MAL: variants seen among roughly 807,000 people sequenced by gnomAD.
MAL encodes the protein myelin and lymphocyte protein.
A neutral mutation model predicts 16.7 loss-of-function variants in MAL; 5 were observed. The ratio of observed to expected loss-of-function variants is 0.30; its 90% CI spans 0.16 to 0.63. The LOEUF (loss-of-function observed/expected upper bound fraction) is 0.63. Among genes scored for constraint, MAL ranks in the 30% least tolerant of loss-of-function variants. The pLI, the probability that MAL is intolerant of heterozygous loss-of-function variation, is 0.82. For synonymous variants in MAL, 96 were observed against 85.5 expected, an observed-to-expected ratio of 1.12 and a Z score of -0.67; for missense variants, 202 against 195.8, an observed-to-expected ratio of 1.03 and a Z score of -0.19.
intron 1 of MAL, among the ~76,000 whole-genome samples, chr2:95,038,659 T>C (rs866135501): frequency 3.6e-5 from 2 of 55,474 alleles, no homozygotes; most frequent in African/African-American, 1.4e-4. Context: ...TGAGTGACTG[T>C]GTGACTGAGT....
chr2:95,042,052 C>T (rs1430446255), intron 1 of MAL, among the ~76,000 whole-genome samples: 2 of 152,170 alleles, frequency 1.3e-5, no homozygotes, highest in South Asian at 2.1e-4. Context: ...GAGGCTGCAT[C>T]TCAGAGTTCA....
At chr2:95,042,867 C>T (rs1299432042) in intron 1 of MAL, among the ~76,000 whole-genome samples, 1 of 152,204 alleles carries the variant, frequency 6.6e-6, no homozygotes, top group Non-Finnish European at 1.5e-5. Flanking sequence ...TTGCTCTGTG[C>T]CCAGGAGTGC....
At chr2:95,038,668 G>A (rs1269267438) in intron 1 of MAL, among the ~76,000 whole-genome samples, 80 of 151,584 alleles carry the variant, frequency 5.3e-4, no homozygotes, top group Non-Finnish European at 7.5e-4. Context: ...GTGTGACTGA[G>A]TGAGTGACTG....
intron 1 of MAL, among the ~76,000 whole-genome samples, chr2:95,032,187 C>A (rs937679918): frequency 6.6e-6 from 1 of 152,250 alleles, no homozygotes; most frequent in Non-Finnish European, 1.5e-5. Context: ...ACACTCAGGT[C>A]GGCCAGGGAC....
intron 3 of MAL, chr2:95,051,747 C>T (rs1317353649): frequency 6.6e-6 from 1 of 152,134 alleles, no homozygotes; most frequent in African/African-American, 2.4e-5. Context: ...GAATTGAGAA[C>T]CAGAGTGTTC....
intron 1 of MAL, among the ~76,000 whole-genome samples, chr2:95,036,762 T>C (rs548046603): frequency 3.3e-5 from 5 of 151,030 alleles, no homozygotes; most frequent in South Asian, 2.1e-4. Context: ...AGTGAGTGAC[T>C]GAGTGAGTGA....
intron 3 of MAL, 92 bp from the exon 4 acceptor site, chr2:95,053,289 C>A: frequency 1.2e-6 from 1 of 869,544 alleles, no homozygotes; most frequent in Non-Finnish European, 2.0e-6. Flanking sequence ...GGGTCTGGCC[C>A]CCCCTACGCC....
intron 1 of MAL, among the ~76,000 whole-genome samples, chr2:95,028,796 G>A (rs1674010958): frequency 6.6e-6 from 1 of 152,174 alleles, no homozygotes; most frequent in South Asian, 2.1e-4. Flanking sequence ...AAAGACACAA[G>A]GCACAAAATG....
chr2:95,053,758 C>T lies in MAL; in HGVS notation c.*303C>T, dbSNP rs557853207. The T allele has an allele frequency of 5.5e-6, 2 of 364,782 alleles. No individual in the cohort carries two copies. Among genetic ancestry groups the T allele is most frequent in the African/African-American group, 2.0e-5 (1 of 49,688 alleles). 22.6% of individuals were successfully genotyped at this position (364,782 alleles called of 1,614,324 possible). A position where few individuals can be genotyped will look rare whatever the true frequency, so the allele number is the denominator to read the frequency against. Reference sequence around the variant, plus strand: ...TTGTTCGGGGGTGGGAAGTGGCGACCGTGACCTGAGAAGGAAAGAAAGATC... The same window carrying T: ...TTGTTCGGGGGTGGGAAGTGGCGACTGTGACCTGAGAAGGAAAGAAAGATC... On this transcript the variant is annotated 3_prime_UTR_variant, in exon 4 of 4. Coordinates refer to ENST00000309988, the MANE Select transcript of MAL (RefSeq NM_002371.4).
chr2:95,051,348 C>T (rs2104363573), intron 3 of MAL: 1 of 152,342 alleles, frequency 6.6e-6, no homozygotes, highest in South Asian at 2.1e-4. Context: ...GAGCAAACTC[C>T]CCAGTGTAGT....
At position 95,047,752 on chromosome 2, in the gene MAL, G is replaced by A. The variant is rs1275920563; in HGVS notation, c.94-207G>A. 3.3e-5 allele frequency among the ~76,000 whole-genome samples: 5 copies of A among 152,184 alleles called. No individual in the cohort carries two copies. The East Asian group carries it at 7.7e-4, about 23-fold the overall frequency. ...AGTTTTAAAAAGTTAATCAGGGCAA[G>A]CGTGCCGGGGATTGGGATTGAGATC... is the stretch of plus-strand genomic sequence containing the variant. On this transcript the variant is annotated intron_variant, in intron 1 of 3. Coordinates refer to ENST00000309988, the MANE Select transcript of MAL (RefSeq NM_002371.4).
At chr2:95,037,625 T>A (rs567780909) in intron 1 of MAL, among the ~76,000 whole-genome samples, 38 of 147,984 alleles carry the variant, frequency 2.6e-4, no homozygotes, top group African/African-American at 9.1e-4. Context: ...AGTGAGTGAC[T>A]AAGTAAGTGA....
intron 1 of MAL, among the ~76,000 whole-genome samples, chr2:95,042,923 G>A (rs1227412629): frequency 2.6e-5 from 4 of 152,206 alleles, no homozygotes; most frequent in Non-Finnish European, 5.9e-5. Context: ...TTTGCTCTCT[G>A]TACATTTAGT....
intron 1 of MAL, among the ~76,000 whole-genome samples, chr2:95,036,001 A>G (rs181434996): frequency 1.4e-3 from 217 of 152,240 alleles, no homozygotes; most frequent in African/African-American, 5.1e-3. Flanking sequence ...CCAAATCTCT[A>G]TCCCCTTCTT....
chr2:95,025,817 G>A lies in MAL; in HGVS notation c.25G>A (p.Gly9Ser), dbSNP rs747719195. 2.5e-6 allele frequency: 4 copies of A among 1,570,394 alleles called. No homozygotes were observed. The South Asian group carries it at 3.6e-5, about 14-fold the overall frequency. MAPAAATG[G>S]STLPSGFSVF... ...CATGGCCCCCGCAGCGGCGACGGGG[G>A]GCAGCACCCTGCCCAGTGGCTTCTC... is the stretch of plus-strand genomic sequence containing the variant. Residue 9 changes from glycine to serine, a missense_variant, in exon 1 of 4, where the codon GGC becomes AGC. Transcript: ENST00000309988. This position sits in a 1 kb window ranked among gnomAD's most constrained non-coding sequence, Gnocchi z 5.6.
intron 1 of MAL, 123 bp downstream of exon 1, chr2:95,026,008 G>A: frequency 1.2e-6 from 1 of 828,000 alleles, no homozygotes; most frequent in East Asian, 3.0e-5. Context: ...CGGGGCAGCA[G>A]GCGCAGGGCG....
At chr2:95,038,217 T>C (rs1674301618) in intron 1 of MAL, among the ~76,000 whole-genome samples, 1 of 94,650 alleles carries the variant, frequency 1.1e-5, no homozygotes, top group Non-Finnish European at 2.1e-5. Flanking sequence ...AGTGACTCAG[T>C]GAGTGAGTGA....
At chr2:95,042,790 C>T (rs1376640845) in intron 1 of MAL, among the ~76,000 whole-genome samples, 4 of 152,188 alleles carry the variant, frequency 2.6e-5, no homozygotes, top group African/African-American at 7.2e-5. Context: ...ATGCTTGAAC[C>T]CTCACATACT....
At chr2:95,038,528 CTGAGTGAGTGACTGAGTGACTGAG>C (rs1674322898) in intron 1 of MAL, among the ~76,000 whole-genome samples, 1 of 61,700 alleles carries the variant, frequency 1.6e-5, no homozygotes, top group Non-Finnish European at 3.5e-5. Flanking sequence ...GAGTGAGTGA[CTGAGTGAGTGACTGAGTGACTGAG>C]TGAGTGAGTG....
Sources: gnomAD v4.1 joint callset for allele counts (sites outside exome capture counted in the v4.1 genomes callset) on GRCh38, gnomAD v4.1.1 for gene constraint, Gnocchi (gnomAD v3.1) non-coding constraint, MANE v1.5 for transcripts, NCBI Gene and HGNC (gene_info 2026-07-23, HGNC 2026-07-21) for gene names.